Variants in PIEZO2 observed in about 807,000 individuals in gnomAD.
PIEZO2 encodes the protein piezo-type mechanosensitive ion channel component 2.
Under a neutral mutation model 337.3 loss-of-function variants are expected in PIEZO2, and 172 were observed. The observed-to-expected ratio is 0.51, with a 90% confidence interval of 0.45 to 0.58. The LOEUF (loss-of-function observed/expected upper bound fraction) is 0.58, where lower values mean the gene tolerates loss of function less well. PIEZO2 is among the 20% of genes least tolerant of loss of function. PIEZO2 has a pLI of 0.00. For missense variants in PIEZO2, 3,028 were observed against 3,391.3 expected (o/e 0.89, Z 2.66); for synonymous variants, 1,251 against 1,228.5 (o/e 1.02, Z -0.38).
intron 2 of PIEZO2, among the ~76,000 whole-genome samples, chr18:11,056,900 A>G (rs2037749760): frequency 6.6e-6 from 1 of 152,264 alleles, no homozygotes; most frequent in Non-Finnish European, 1.5e-5. Context: ...GAAATTGTCC[A>G]GAGCCCTTTT....
intron 2 of PIEZO2, among the ~76,000 whole-genome samples, chr18:11,043,504 A>T (rs2037193310): frequency 6.6e-6 from 1 of 152,168 alleles, no homozygotes; most frequent in African/African-American, 2.4e-5. Flanking sequence ...TGTAGACTGT[A>T]GTAATTTTTA....
rs568140549 is a variant in PIEZO2 at position 10,676,539 on chromosome 18, T to C, written c.8081+1208A>G. ...TTTTTTCCAAATTTCCTTTTACCCC[T>C]TGTCCTCCTCAACCGTGTATACTCT... On this transcript the variant is annotated intron_variant, in intron 53 of 55. Transcript: ENST00000674853. The surrounding 1 kb of genome is among the most constrained non-coding windows in gnomAD (Gnocchi z 5.1). Among the ~76,000 whole-genome samples, 7 of 152,336 alleles carry C rather than the reference T, an allele frequency of 4.6e-5. No individual in the cohort carries two copies. The highest frequency in any genetic ancestry group is 8.8e-5 in the Non-Finnish European group (6 of 68,016).
intron 27 of PIEZO2, among the ~76,000 whole-genome samples, chr18:10,756,959 T>G (rs1054194389): frequency 7.5e-6 from 1 of 133,356 alleles, no homozygotes; most frequent in African/African-American, 2.9e-5. Context: ...AGAGGAGGAA[T>G]GGGAATGAAG....
In PIEZO2 at chr18:11,016,440, G is replaced by A. The variant is rs371107502; in HGVS notation, c.161-36780C>T. On this transcript the variant is annotated intron_variant, in intron 2 of 55. Transcript: ENST00000674853. This position sits in a 1 kb window ranked among gnomAD's most constrained non-coding sequence, Gnocchi z 5.6. The stretch of plus-strand genomic sequence containing the variant: ...CCAAAACCCAGACAATTCCCTTCAG[G>A]GGCCCCAGAGAGAAAGTGAACCCCT... Among the ~76,000 whole-genome samples, 266 of 152,228 alleles carry A rather than the reference G, an allele frequency of 1.7e-3. No individual in the cohort carries two copies. The highest frequency in any genetic ancestry group is 6.2e-3 in the African/African-American group (257 of 41,532).
At position 10,766,656 on chromosome 18, in the gene PIEZO2, C is replaced by T. The variant is rs142757979; in HGVS notation, c.2946+3492G>A. Among the ~76,000 whole-genome samples the T allele has an allele frequency of 6.6e-6, 1 of 152,302 alleles. No individual in the cohort carries two copies. Among genetic ancestry groups the T allele is most frequent in the African/African-American group, 2.4e-5 (1 of 41,570 alleles). On this transcript the variant is annotated intron_variant, in intron 21 of 55. Transcript: ENST00000674853. This position sits in a 1 kb window ranked among gnomAD's most constrained non-coding sequence, Gnocchi z 6.1. ...CTCTCCCAGAGAACCCCAGTTGCAACTATCACCTCCAGGCTGCAACCGCCT... is the reference window on the plus strand; with the variant it reads ...CTCTCCCAGAGAACCCCAGTTGCAATTATCACCTCCAGGCTGCAACCGCCT...
At position 10,697,841 on chromosome 18, in the gene PIEZO2, C is replaced by T; in HGVS notation, c.6734G>A (p.Ser2245Asn). Residue 2245 changes from serine (S) to asparagine (N), a missense_variant, in exon 45 of 56, where the codon AGT becomes AAT. This residue lies in a region of PIEZO2 where 1,925 missense variants were observed against 2,051.9 expected (regional missense o/e 0.94). Coordinates refer to ENST00000674853, the MANE Select transcript of PIEZO2 (RefSeq NM_001378183.1). ...STRNSSQKGS[S>N]VLSIKQKGKR... is the part of the protein sequence containing the mutation. ...GCCTTTTTGCTTAATACTCAAAACA[C>T]TGCTTCCTTTTTGACTGCTGTTTCG... 1 of 1,614,136 alleles carries T rather than the reference C, an allele frequency of 6.2e-7. No individual in the cohort carries two copies. The highest frequency in any genetic ancestry group is 8.5e-7 in the Non-Finnish European group (1 of 1,179,996).
chr18:10,932,307 G>C (rs2032141312), intron 3 of PIEZO2, among the ~76,000 whole-genome samples: 1 of 151,896 alleles, frequency 6.6e-6, no homozygotes, highest in Non-Finnish European at 1.5e-5. Flanking sequence ...GAGGTGGGAG[G>C]ATCAATTGAG....
chr18:10,734,427 A>C (rs2036913817), intron 35 of PIEZO2, among the ~76,000 whole-genome samples: 1 of 152,336 alleles, frequency 6.6e-6, no homozygotes, highest in Admixed American at 6.5e-5. Context: ...CATTTAAATA[A>C]GACCCCAGGG....
At chr18:10,804,100 A>G (rs1344730143) in intron 8 of PIEZO2, 106 bp from the exon 9 acceptor site, 1 of 1,314,558 alleles carries the variant, frequency 7.6e-7, no homozygotes, top group African/African-American at 1.5e-5. Context: ...ATGACTTTTC[A>G]AAGTGAATGT....
rs1390985023 is a variant in PIEZO2, at chr18:10,982,184, T to A, written c.161-2524A>T. ...GCAAAATTTTGCAGCAGCTTTTTGC[T>A]TATTTGTTTGTAAATATCCATTACT... On this transcript the variant is annotated intron_variant, in intron 2 of 55. Transcript: ENST00000674853. The surrounding 1 kb of genome is among the most constrained non-coding windows in gnomAD (Gnocchi z 4.1). Among the ~76,000 whole-genome samples, 1 of 152,200 alleles carries A rather than the reference T, an allele frequency of 6.6e-6. No individual in the cohort carries two copies. Among genetic ancestry groups the A allele is most frequent in the Non-Finnish European group, 1.5e-5 (1 of 68,042 alleles).
At position 10,815,611 on chromosome 18, in the gene PIEZO2, A is replaced by G. The variant is rs1339094512; in HGVS notation, c.918-8337T>C. On this transcript the variant is annotated intron_variant, in intron 7 of 55. Transcript: ENST00000674853. The surrounding 1 kb of genome is among the most constrained non-coding windows in gnomAD (Gnocchi z 4.1). ...TGATAGATATCAATTTCTTCCTTGT[A>G]TAAAAGTATAGATGTATATAGTTCA... Among the ~76,000 whole-genome samples, 1 of 152,166 alleles carries G rather than the reference A, an allele frequency of 6.6e-6. No homozygotes were observed. Among genetic ancestry groups the G allele is most frequent in the Non-Finnish European group, 1.5e-5 (1 of 68,034 alleles).
At chr18:10,951,671 T>C (rs1245545634) in intron 3 of PIEZO2, among the ~76,000 whole-genome samples, 1 of 152,214 alleles carries the variant, frequency 6.6e-6, no homozygotes, top group Non-Finnish European at 1.5e-5. Context: ...AGGAGAACTT[T>C]AATCATTCTT....
At position 10,888,892 on chromosome 18, in the gene PIEZO2, A is replaced by G. The variant is rs2042681438; in HGVS notation, c.330-17477T>C. On this transcript the variant is annotated intron_variant, in intron 4 of 55. Transcript: ENST00000674853. The surrounding 1 kb of genome is among the most constrained non-coding windows in gnomAD (Gnocchi z 4.1). The stretch of plus-strand genomic sequence containing the variant: ...ACACTTCCACCAACACCTCCATGCA[A>G]CCCCTCTCCCTCAACAACCCAGTTT... 6.6e-6 allele frequency among the ~76,000 whole-genome samples: 1 copy of G among 151,154 alleles called. No homozygotes were observed. Among genetic ancestry groups the G allele is most frequent in the African/African-American group, 2.4e-5 (1 of 41,080 alleles).
rs892347307 is a variant in PIEZO2, at chr18:11,148,201, T to A, written c.64+324A>T. Among the ~76,000 whole-genome samples the A allele has an allele frequency of 7.9e-5, 12 of 152,204 alleles. 1 individual carries two copies. Among genetic ancestry groups the A allele is most frequent in the African/African-American group, 2.9e-4 (12 of 41,550 alleles). Reference sequence around the variant, plus strand: ...TGACTGTACCTACGATGGGGACGCATCCGCCTTCCAGCCACAGCAATGGCC... The same window carrying A: ...TGACTGTACCTACGATGGGGACGCAACCGCCTTCCAGCCACAGCAATGGCC... On this transcript the variant is annotated intron_variant, in intron 1 of 55. Transcript: ENST00000674853. The surrounding 1 kb of genome is among the most constrained non-coding windows in gnomAD (Gnocchi z 5.2).
intron 50 of PIEZO2, 54 bp from the exon 51 acceptor site, chr18:10,681,807 C>T: frequency 7.0e-7 from 1 of 1,433,200 alleles, no homozygotes; most frequent in Non-Finnish European, 9.8e-7. Context: ...TCTCTGCATC[C>T]TGAGTCAAAA....
Position 10,676,998 on chromosome 18 carries a change from C to G in PIEZO2, c.8081+749G>C, listed in dbSNP as rs569975594. 2.6e-5 allele frequency among the ~76,000 whole-genome samples: 4 copies of G among 152,272 alleles called. No homozygotes were observed. Among genetic ancestry groups the G allele is most frequent in the Non-Finnish European group, 5.9e-5 (4 of 68,030 alleles). ...GAACCCAGGTGGACCTGCCAGAGCTCCCACACCTCCAAATCGCATGAGAAT... is the reference window on the plus strand; with the variant it reads ...GAACCCAGGTGGACCTGCCAGAGCTGCCACACCTCCAAATCGCATGAGAAT... On this transcript the variant is annotated intron_variant, in intron 53 of 55. Transcript: ENST00000674853. This position sits in a 1 kb window ranked among gnomAD's most constrained non-coding sequence, Gnocchi z 5.1.
At chr18:11,082,329 T>C (rs1305749612) in intron 1 of PIEZO2, among the ~76,000 whole-genome samples, 3 of 151,928 alleles carry the variant, frequency 2.0e-5, no homozygotes, top group African/African-American at 7.3e-5. Flanking sequence ...TTTTCTTTTT[T>C]TTTTTTGAGA....
At chr18:10,696,014 A>C in intron 47 of PIEZO2, 60 bp downstream of exon 47, 1 of 1,482,782 alleles carries the variant, frequency 6.7e-7, no homozygotes, top group African/African-American at 1.4e-5. Flanking sequence ...TGCGAGTATC[A>C]CCTCAGGAAA....
rs367663185 is a variant in PIEZO2, at chr18:10,936,224, T to C, written c.287-24996A>G. Among the ~76,000 whole-genome samples the C allele has an allele frequency of 3.9e-5, 6 of 152,330 alleles. 1 individual carries two copies. The highest frequency in any genetic ancestry group is 1.4e-4 in the African/African-American group (6 of 41,578). ...AATGCCTCTCCTTGGGGCCTTGCCT[T>C]ACTTTCTAGTCAGCATAGTTTTAGC... On this transcript the variant is annotated intron_variant, in intron 3 of 55. Coordinates refer to ENST00000674853, the MANE Select transcript of PIEZO2 (RefSeq NM_001378183.1).
Sources: allele counts gnomAD v4.1 joint callset (sites outside exome capture counted in the v4.1 genomes callset), GRCh38; gene constraint gnomAD v4.1.1; regional missense constraint gnomAD v4.1.1; non-coding constraint Gnocchi (gnomAD v3.1); transcripts MANE v1.5; gene names NCBI Gene and HGNC (gene_info 2026-07-23, HGNC 2026-07-21).